The following LRRC69 variants were observed in gnomAD, a reference collection of about 807,000 sequenced individuals.
The protein encoded by LRRC69 is leucine rich repeat containing 69.
LRRC69 carries 42 observed loss-of-function variants against 37.8 expected under a neutral mutation model. The ratio of observed to expected loss-of-function variants is 1.11; its 90% CI spans 0.87 to 1.44. The LOEUF (loss-of-function observed/expected upper bound fraction) is 1.44. LRRC69 is among the 40% of genes most tolerant of loss of function. The pLI, the probability that LRRC69 is intolerant of heterozygous loss-of-function variation, is 0.00. For missense variants in LRRC69, 357 were observed against 401.9 expected (o/e 0.89, Z 0.96); for synonymous variants, 141 against 143.1 (o/e 0.99, Z 0.11).
rs536971880 is a variant in LRRC69 at position 91,188,769 on chromosome 8, A to C, written c.652-753A>C. On this transcript the variant is annotated intron_variant, in intron 5 of 7. Transcript: ENST00000448384. ...TTTTTCTACTGAAGTTGTAGACTGC[A>C]ATTGGATTTAGACTTTCTCCATAGA... Among the ~76,000 whole-genome samples, 98 of 150,784 alleles carry C rather than the reference A, an allele frequency of 6.5e-4. 1 individual carries two copies. The highest frequency in any genetic ancestry group is 2.3e-3 in the African/African-American group (96 of 41,194).
At chr8:91,188,456 C>T (rs1809438944) in intron 5 of LRRC69, among the ~76,000 whole-genome samples, 1 of 152,164 alleles carries the variant, frequency 6.6e-6, no homozygotes, top group Admixed American at 6.5e-5. Flanking sequence ...TGTTCAGTGA[C>T]TTGAATCAGC....
chr8:91,207,949 G>T (rs1459766218), intron 7 of LRRC69, among the ~76,000 whole-genome samples: 1 of 152,178 alleles, frequency 6.6e-6, no homozygotes. Flanking sequence ...GCCAGGAGGG[G>T]TTGGCTTCTC....
chr8:91,192,010 A>C (rs1809506001), intron 6 of LRRC69, among the ~76,000 whole-genome samples: 6 of 96,170 alleles, frequency 6.2e-5, no homozygotes, highest in Admixed American at 4.6e-4. Flanking sequence ...CCCACCCCAC[A>C]ACAGTCCCCA....
At chr8:91,111,197 A>G (rs1813404877) in intron 1 of LRRC69, among the ~76,000 whole-genome samples, 1 of 152,080 alleles carries the variant, frequency 6.6e-6, no homozygotes. Flanking sequence ...TGGATAAAGA[A>G]AATGTGGTAC....
intron 5 of LRRC69, among the ~76,000 whole-genome samples, chr8:91,160,407 C>G (rs1808918646): frequency 6.6e-6 from 1 of 150,606 alleles, no homozygotes; most frequent in Non-Finnish European, 1.5e-5. Flanking sequence ...CCTAATTACT[C>G]TCTTAGGAAC....
chr8:91,157,713 C>T, intron 5 of LRRC69: 2 of 1,603,182 alleles, frequency 1.2e-6, no homozygotes, highest in Non-Finnish European at 1.7e-6. Flanking sequence ...CAAAAATATA[C>T]TGTGAACCAA....
chr8:91,210,546 G>GACACACACACACAC (rs1166789108), intron 7 of LRRC69, among the ~76,000 whole-genome samples: 1 of 112,754 alleles, frequency 8.9e-6, no homozygotes, highest in African/African-American at 3.8e-5. Context: ...TTTAAACACA[G>GACACACACACACAC]ACACACACAC....
At chr8:91,191,448 T>C (rs1366094199) in intron 6 of LRRC69, among the ~76,000 whole-genome samples, 1 of 152,198 alleles carries the variant, frequency 6.6e-6, no homozygotes, top group African/African-American at 2.4e-5. Flanking sequence ...ACTAATTTAG[T>C]CCTCTACTAA....
chr8:91,109,999 A>G (rs1813382087), intron 1 of LRRC69, among the ~76,000 whole-genome samples: 1 of 152,080 alleles, frequency 6.6e-6, no homozygotes, highest in South Asian at 2.1e-4. Context: ...AGATTGAACC[A>G]TAAATTGAAC....
intron 5 of LRRC69, among the ~76,000 whole-genome samples, chr8:91,187,767 G>A (rs1376247628): frequency 6.6e-6 from 1 of 152,166 alleles, no homozygotes; most frequent in Non-Finnish European, 1.5e-5. Context: ...ACCATCCAGT[G>A]TCTTCAGACT....
chr8:91,118,887 G>C (rs1456956428), intron 1 of LRRC69, among the ~76,000 whole-genome samples: 2 of 152,052 alleles, frequency 1.3e-5, no homozygotes, highest in East Asian at 3.8e-4. Flanking sequence ...AAACAATGTT[G>C]TCAAAGCATT....
intron 5 of LRRC69, among the ~76,000 whole-genome samples, chr8:91,175,068 G>A (rs1263347520): frequency 6.6e-6 from 1 of 152,172 alleles, no homozygotes; most frequent in Non-Finnish European, 1.5e-5. Context: ...CAAAGGTAGA[G>A]CAGGAGAATT....
At chr8:91,113,567 T>C (rs905962723) in intron 1 of LRRC69, among the ~76,000 whole-genome samples, 7 of 151,972 alleles carry the variant, frequency 4.6e-5, no homozygotes, top group African/African-American at 1.7e-4. Context: ...CAACTTAAAA[T>C]GGATTAAAGA....
At chr8:91,150,595 CT>C (rs1235044141) in intron 5 of LRRC69, among the ~76,000 whole-genome samples, 4 of 151,960 alleles carry the variant, frequency 2.6e-5, no homozygotes, top group African/African-American at 4.8e-5. Context: ...TAATGCTGGC[CT>C]CATAAAATGA....
chr8:91,176,225 C>T (rs901175293), intron 5 of LRRC69, among the ~76,000 whole-genome samples: 4 of 150,542 alleles, frequency 2.7e-5, no homozygotes, highest in African/African-American at 9.8e-5. Flanking sequence ...ACCTCCGCCT[C>T]CTGGGTTCAA....
chr8:91,171,881 C>T (rs1045160141), intron 5 of LRRC69, among the ~76,000 whole-genome samples: 2 of 151,778 alleles, frequency 1.3e-5, no homozygotes, highest in African/African-American at 4.8e-5. Context: ...TGGCTTATTT[C>T]TTTACTATTT....
intron 5 of LRRC69, among the ~76,000 whole-genome samples, chr8:91,165,341 C>T (rs1393925825): frequency 6.6e-6 from 1 of 151,676 alleles, no homozygotes; most frequent in Non-Finnish European, 1.5e-5. Flanking sequence ...TAGTAAAAGA[C>T]TTAGGCAACT....
At chr8:91,196,914 C>T (rs977029793) in intron 6 of LRRC69, among the ~76,000 whole-genome samples, 7 of 152,062 alleles carry the variant, frequency 4.6e-5, no homozygotes, top group African/African-American at 9.7e-5. Flanking sequence ...GGAGGAGAGG[C>T]GCTCTGCGTT....
chr8:91,107,359 A>C (rs909621401), intron 1 of LRRC69, among the ~76,000 whole-genome samples: 5 of 151,188 alleles, frequency 3.3e-5, no homozygotes, highest in Non-Finnish European at 4.4e-5. Flanking sequence ...GCTGGTCTTG[A>C]ACTCCTGACC....
Sources: gnomAD v4.1 joint callset for allele counts (sites outside exome capture counted in the v4.1 genomes callset) on GRCh38, gnomAD v4.1.1 for gene constraint, MANE v1.5 for transcripts, NCBI Gene and HGNC (gene_info 2026-07-23, HGNC 2026-07-21) for gene names.